The following SLC9A9 variants were observed in gnomAD, a reference collection of about 807,000 sequenced individuals.
The protein encoded by SLC9A9 is solute carrier family 9 member A9, also known as sodium/hydrogen exchanger 9.
SLC9A9 carries 62 observed loss-of-function variants against 77.8 expected under a neutral mutation model. The ratio of observed to expected loss-of-function variants is 0.80; its 90% confidence interval spans 0.65 to 0.98. The LOEUF (loss-of-function observed/expected upper bound fraction) is 0.98. SLC9A9 is among the 50% of genes least tolerant of loss of function. SLC9A9 has a pLI of 0.00. For synonymous variants in SLC9A9, 320 were observed against 283.5 expected (o/e 1.13, Z -1.29); for missense variants, 775 against 774.9 (o/e 1.00, Z 0.00).
chr3:143,809,688 G>A (rs776147915), intron 2 of SLC9A9, among the ~76,000 whole-genome samples: 7 of 152,174 alleles, frequency 4.6e-5, no homozygotes, highest in African/African-American at 9.7e-5. Flanking sequence ...AAATGTTCCC[G>A]CTTAAGCCTT....
At chr3:143,389,656 C>G (rs946201848) in intron 12 of SLC9A9, among the ~76,000 whole-genome samples, 2 of 152,204 alleles carry the variant, frequency 1.3e-5, no homozygotes, top group Non-Finnish European at 2.9e-5. Context: ...TTGTTATCAA[C>G]TCAAGAAAAA....
At chr3:143,816,009 T>C (rs1010580812) in intron 2 of SLC9A9, among the ~76,000 whole-genome samples, 3 of 152,166 alleles carry the variant, frequency 2.0e-5, no homozygotes, top group African/African-American at 7.2e-5. Flanking sequence ...GAGATGTTTT[T>C]CTCTTATTTT....
chr3:143,423,741 G>T (rs1417727046), intron 12 of SLC9A9, among the ~76,000 whole-genome samples: 1 of 152,152 alleles, frequency 6.6e-6, no homozygotes, highest in Non-Finnish European at 1.5e-5. Context: ...AATTATGGGG[G>T]GTAGAAAGAG....
At chr3:143,610,036 C>T (rs1279989974) in intron 6 of SLC9A9, among the ~76,000 whole-genome samples, 2 of 152,088 alleles carry the variant, frequency 1.3e-5, no homozygotes, top group Non-Finnish European at 2.9e-5. Context: ...ATCTGCCAGC[C>T]CCTTCCTTCG....
At chr3:143,559,058 C>T (rs1265122439) in intron 8 of SLC9A9, among the ~76,000 whole-genome samples, 1 of 152,108 alleles carries the variant, frequency 6.6e-6, no homozygotes, top group Non-Finnish European at 1.5e-5. Flanking sequence ...GGTATTTCCC[C>T]TTCTTGCACT....
chr3:143,695,448 T>A (rs1933606826), intron 4 of SLC9A9, among the ~76,000 whole-genome samples: 1 of 152,132 alleles, frequency 6.6e-6, no homozygotes, highest in Non-Finnish European at 1.5e-5. Context: ...TGGTTTTCTG[T>A]TCCTGTGTTA....
In SLC9A9 at chr3:143,335,127, A is replaced by C. The variant is rs536802964; in HGVS notation, c.1604+28357T>G. Among the ~76,000 whole-genome samples the C allele has an allele frequency of 5.6e-4, 86 of 152,316 alleles. 2 individuals carry two copies. The South Asian group carries it at 0.017, about 29-fold the overall frequency. On this transcript the variant is annotated intron_variant, in intron 14 of 15. Transcript: ENST00000316549. ...GCAGGATTCAAGATCAACACAAAAAATCAGCTGTGTTTCTATACACTAACA... is the reference window on the plus strand; with the variant it reads ...GCAGGATTCAAGATCAACACAAAAACTCAGCTGTGTTTCTATACACTAACA...
chr3:143,450,709 C>A (rs1433733998), intron 12 of SLC9A9, among the ~76,000 whole-genome samples: 1 of 152,098 alleles, frequency 6.6e-6, no homozygotes, highest in Non-Finnish European at 1.5e-5. Flanking sequence ...TGAATAGACC[C>A]ATGGTGACAG....
At chr3:143,736,865 G>A (rs991566656) in intron 4 of SLC9A9, among the ~76,000 whole-genome samples, 1 of 152,186 alleles carries the variant, frequency 6.6e-6, no homozygotes, top group Non-Finnish European at 1.5e-5. Flanking sequence ...CATCTGGTTT[G>A]TAAAGTATTA....
rs185544217 is a variant in SLC9A9 at position 143,272,020 on chromosome 3, T to C, written c.1605-3040A>G. Among the ~76,000 whole-genome samples the C allele has an allele frequency of 3.6e-4, 55 of 152,244 alleles. 1 individual carries two copies. The highest frequency in any genetic ancestry group is 1.3e-3 in the African/African-American group (53 of 41,532). On this transcript the variant is annotated intron_variant, in intron 14 of 15. Transcript: ENST00000316549. Reference sequence around the variant, plus strand: ...TCAGAGGAACGGTGCCAGGGAAGAATGAAGGGGCAGATTACAGCCAACAAA... The same window carrying C: ...TCAGAGGAACGGTGCCAGGGAAGAACGAAGGGGCAGATTACAGCCAACAAA...
intron 6 of SLC9A9, among the ~76,000 whole-genome samples, chr3:143,611,940 T>A (rs1280299054): frequency 6.6e-6 from 1 of 152,198 alleles, no homozygotes; most frequent in East Asian, 1.9e-4. Context: ...CTCACTATGT[T>A]GCCCAGGCTA....
At chr3:143,634,840 A>G (rs2038486389) in intron 6 of SLC9A9, among the ~76,000 whole-genome samples, 1 of 152,192 alleles carries the variant, frequency 6.6e-6, no homozygotes, top group South Asian at 2.1e-4. Context: ...TTTAATGAAT[A>G]TATATTACTC....
chr3:143,372,551 C>T (rs1367477724), intron 13 of SLC9A9, among the ~76,000 whole-genome samples: 2 of 152,050 alleles, frequency 1.3e-5, no homozygotes, highest in Non-Finnish European at 1.5e-5. Context: ...CTTCTGGACA[C>T]TGATCTAGGC....
intron 9 of SLC9A9, among the ~76,000 whole-genome samples, chr3:143,497,278 C>T (rs1348273990): frequency 6.6e-6 from 1 of 152,152 alleles, no homozygotes; most frequent in African/African-American, 2.4e-5. Context: ...TCTATTCAGC[C>T]TCTCTTTAAT....
intron 6 of SLC9A9, among the ~76,000 whole-genome samples, chr3:143,594,594 A>T (rs1252268281): frequency 1.3e-5 from 2 of 152,132 alleles, no homozygotes; most frequent in Non-Finnish European, 2.9e-5. Context: ...AGAGAACTGT[A>T]TGTTGGGAAG....
chr3:143,578,833 G>T, intron 6 of SLC9A9, 110 bp from the exon 7 acceptor site: 1 of 1,319,638 alleles, frequency 7.6e-7, no homozygotes, highest in Non-Finnish European at 1.1e-6. Context: ...GTTGGGTGCT[G>T]GTTGGAAGAG....
chr3:143,665,441 C>A (rs1461884480), intron 5 of SLC9A9, among the ~76,000 whole-genome samples: 1 of 152,114 alleles, frequency 6.6e-6, no homozygotes, highest in Non-Finnish European at 1.5e-5. Flanking sequence ...GAAGCAAGAG[C>A]AAGCATACTC....
intron 4 of SLC9A9, among the ~76,000 whole-genome samples, chr3:143,776,128 A>T (rs1328860162): frequency 6.6e-6 from 1 of 152,182 alleles, no homozygotes; most frequent in Non-Finnish European, 1.5e-5. Flanking sequence ...TATATCTAAA[A>T]TACCACAATT....
chr3:143,737,328 A>C (rs1483572724), intron 4 of SLC9A9, among the ~76,000 whole-genome samples: 1 of 152,040 alleles, frequency 6.6e-6, no homozygotes, highest in Non-Finnish European at 1.5e-5. Flanking sequence ...TGCCTTTTCC[A>C]TTTTTTACTA....
Sources: gnomAD v4.1 joint callset for allele counts (sites outside exome capture counted in the v4.1 genomes callset) on GRCh38, gnomAD v4.1.1 for gene constraint, MANE v1.5 for transcripts, NCBI Gene and HGNC (gene_info 2026-07-23, HGNC 2026-07-21) for gene names.